Variants in TRPM3 observed in about 807,000 individuals in gnomAD.
The protein encoded by TRPM3 is transient receptor potential cation channel subfamily M member 3, also known as long transient receptor potential channel 3.
TRPM3 carries 77 observed loss-of-function variants against 181.2 expected under a neutral mutation model. The observed-to-expected ratio is 0.42, with a 90% CI of 0.35 to 0.51. TRPM3 has a LOEUF of 0.51. Ranked by LOEUF, TRPM3 falls within the 20% of genes least tolerant of loss-of-function variation. The pLI, the probability that TRPM3 is intolerant of heterozygous loss-of-function variation, is 0.01. For synonymous variants in TRPM3, 745 were observed against 796.4 expected (o/e 0.94, Z 1.09); for missense variants, 1,759 against 2,196.7 (o/e 0.80, Z 3.98).
chr9:70,927,438 A>G (rs1357698999), intron 1 of TRPM3, among the ~76,000 whole-genome samples: 1 of 152,206 alleles, frequency 6.6e-6, no homozygotes, highest in Non-Finnish European at 1.5e-5. Flanking sequence ...AAGAAAAGGT[A>G]AAAGAATTTC....
chr9:70,831,964 T>TAC (rs1390486630), intron 5 of TRPM3, among the ~76,000 whole-genome samples: 1 of 42,114 alleles, frequency 2.4e-5, no homozygotes, highest in Admixed American at 2.4e-4. Flanking sequence ...ACCCCATAAA[T>TAC]ATATATATAT....
At chr9:71,235,380 T>C (rs1349455854) in intron 1 of TRPM3, among the ~76,000 whole-genome samples, 1 of 152,222 alleles carries the variant, frequency 6.6e-6, no homozygotes, top group Non-Finnish European at 1.5e-5. Context: ...CGCTTTATTG[T>C]CTGTCTCCCA....
intron 6 of TRPM3, among the ~76,000 whole-genome samples, chr9:70,818,991 C>G (rs1158483852): frequency 6.6e-6 from 1 of 152,216 alleles, no homozygotes; most frequent in Non-Finnish European, 1.5e-5. Flanking sequence ...TCACTAGTAA[C>G]ATTTCCTCTA....
At chr9:71,347,689 C>T (rs1046910168) in intron 1 of TRPM3, among the ~76,000 whole-genome samples, 3 of 151,992 alleles carry the variant, frequency 2.0e-5, no homozygotes, top group African/African-American at 7.3e-5. Flanking sequence ...CCTGATGGAT[C>T]GCTTGAGGCC....
intron 1 of TRPM3, among the ~76,000 whole-genome samples, chr9:71,394,107 A>AG (rs1399297023): frequency 2.0e-5 from 3 of 152,222 alleles, no homozygotes; most frequent in Non-Finnish European, 4.4e-5. Flanking sequence ...CTAAAACACC[A>AG]GAAAAATCAA....
intron 6 of TRPM3, among the ~76,000 whole-genome samples, chr9:70,821,319 T>C (rs760794211): frequency 4.3e-4 from 65 of 152,190 alleles, no homozygotes; most frequent in Non-Finnish European, 2.2e-4. Context: ...GGTGGGTATA[T>C]GGATAGAGAA....
At chr9:71,132,102 T>C (rs1415188733) in intron 1 of TRPM3, among the ~76,000 whole-genome samples, 1 of 152,242 alleles carries the variant, frequency 6.6e-6, no homozygotes, top group African/African-American at 2.4e-5. Flanking sequence ...TAGAAACCGA[T>C]GTTGATGCCT....
At chr9:70,663,093 C>T (rs1277989760) in intron 9 of TRPM3, among the ~76,000 whole-genome samples, 2 of 152,060 alleles carry the variant, frequency 1.3e-5, no homozygotes, top group Non-Finnish European at 2.9e-5. Context: ...TTTGCAGCAG[C>T]TTGGGTGGAG....
intron 17 of TRPM3, among the ~76,000 whole-genome samples, 192 bp downstream of exon 17, chr9:70,618,675 G>A (rs995307367): frequency 1.3e-5 from 2 of 152,244 alleles, no homozygotes; most frequent in Non-Finnish European, 2.9e-5. Context: ...CAGGACCCAG[G>A]GGGAGGCCCC....
At chr9:70,741,466 A>G (rs368580823) in intron 8 of TRPM3, among the ~76,000 whole-genome samples, 1 of 152,196 alleles carries the variant, frequency 6.6e-6, no homozygotes, top group East Asian at 1.9e-4. Context: ...GAATCACACT[A>G]CTGGGTATCT....
chr9:71,367,053 G>C (rs558672225), intron 1 of TRPM3, among the ~76,000 whole-genome samples: 2 of 152,234 alleles, frequency 1.3e-5, no homozygotes, highest in Admixed American at 1.3e-4. Flanking sequence ...GAACTGTCTT[G>C]TTCCAACAAG....
chr9:70,675,170 G>A (rs557899263), intron 9 of TRPM3, among the ~76,000 whole-genome samples: 18 of 151,958 alleles, frequency 1.2e-4, no homozygotes, highest in African/African-American at 4.3e-4. Flanking sequence ...GCATGATCTC[G>A]GCTCACTGCA....
chr9:71,442,844 T>C (rs1273718949), intron 1 of TRPM3, among the ~76,000 whole-genome samples: 1 of 152,198 alleles, frequency 6.6e-6, no homozygotes, highest in Non-Finnish European at 1.5e-5. Context: ...TTTCCATGCA[T>C]TTCTGCACAG....
In TRPM3 at chr9:70,907,646, T is replaced by C. The variant is rs116404358; in HGVS notation, c.178-43135A>G. 5.4e-3 allele frequency among the ~76,000 whole-genome samples: 827 copies of C among 152,266 alleles called. 7 individuals are homozygous for C. Among genetic ancestry groups the C allele is most frequent in the South Asian group, 0.048 (229 of 4,812 alleles). ...GAGGTTTGAGCTTCTACTGATCCCA[T>C]TGCCCCAGTAATGAACATCGTACCC... On this transcript the variant is annotated intron_variant, in intron 1 of 25. Transcript: ENST00000677713.
chr9:70,846,511 C>T lies in TRPM3; in HGVS notation c.543G>A (p.Lys181=), dbSNP rs765913339. 7 of 1,614,010 alleles carry T rather than the reference C, an allele frequency of 4.3e-6. No homozygotes were observed. The highest frequency in any genetic ancestry group is 5.9e-6 in the Non-Finnish European group (7 of 1,180,026). The change falls in exon 4 of 26, where the codon AAG becomes AAA. Residue 181 remains lysine (K), a synonymous_variant. Coordinates refer to ENST00000677713, the MANE Select transcript of TRPM3 (RefSeq NM_001366145.2). ...GGCCCCCATGGACAGAGATGAGAAG[C>T]TTGGGAAGCTCCAACTGCCATTCCT... The part of the protein sequence containing the change: ...MTKEWQLELP[K]LLISVHGGLQ...
In TRPM3 at chr9:70,532,832, C is replaced by T. The variant is rs2041074141; in HGVS notation, c.*3121G>A. On this transcript the variant is annotated 3_prime_UTR_variant, in exon 26 of 26. Coordinates refer to ENST00000677713, the MANE Select transcript of TRPM3 (RefSeq NM_001366145.2). ...TTCACAAAGACAGGTAATTAACGTCCCCTCGATCAGGGATGTGGTGGAATC... is the reference window on the plus strand; with the variant it reads ...TTCACAAAGACAGGTAATTAACGTCTCCTCGATCAGGGATGTGGTGGAATC... 1.3e-5 allele frequency: 2 copies of T among 152,068 alleles called. No homozygotes were observed. The highest frequency in any genetic ancestry group is 1.5e-5 in the Non-Finnish European group (1 of 68,028). 9.4% of individuals were successfully genotyped at this position (152,068 alleles called of 1,614,324 possible). A position where few individuals can be genotyped will look rare whatever the true frequency, so the allele number is the denominator to read the frequency against.
At position 70,591,134 on chromosome 9, in the gene TRPM3, G is replaced by C; in HGVS notation, c.3120C>G (p.Ala1040=). Reference sequence around the variant, plus strand: ...ATGGCTCCTCATTGGGAAAAAGGATGGCTTGCCTGGCGACCCCAAAGCTCA... The same window carrying C: ...ATGGCTCCTCATTGGGAAAAAGGATCGCTTGCCTGGCGACCCCAAAGCTCA... ...VLMSFGVARQ[A]ILFPNEEPSW... Residue 1040 remains alanine, a synonymous_variant, in exon 22 of 26, where the codon GCC becomes GCG. Coordinates refer to ENST00000677713, the MANE Select transcript of TRPM3 (RefSeq NM_001366145.2). The C allele has an allele frequency of 6.2e-7, 1 of 1,614,156 alleles. No individual in the cohort carries two copies. The highest frequency in any genetic ancestry group is 8.5e-7 in the Non-Finnish European group (1 of 1,180,024).
chr9:70,983,703 C>G (rs2097389538), intron 1 of TRPM3, among the ~76,000 whole-genome samples: 1 of 152,128 alleles, frequency 6.6e-6, no homozygotes, highest in South Asian at 2.1e-4. Flanking sequence ...GACAGGATAG[C>G]TAGAAGTGGA....
chr9:70,799,971 AC>A (rs1364255810), intron 6 of TRPM3, among the ~76,000 whole-genome samples: 3 of 152,224 alleles, frequency 2.0e-5, no homozygotes, highest in African/African-American at 4.8e-5. Flanking sequence ...GATACAGTTT[AC>A]TGGGTCTCTC....
Sources: allele counts gnomAD v4.1 joint callset (sites outside exome capture counted in the v4.1 genomes callset), GRCh38; gene constraint gnomAD v4.1.1; transcripts MANE v1.5; gene names NCBI Gene and HGNC (gene_info 2026-07-23, HGNC 2026-07-21).